The following LBP variants were observed in gnomAD, a reference collection of about 807,000 sequenced individuals.
The protein encoded by LBP is lipopolysaccharide binding protein, also known as lipopolysaccharide-binding protein.
LBP carries 53 observed loss-of-function variants against 56.6 expected under a neutral mutation model. The ratio of observed to expected loss-of-function variants is 0.94; its 90% CI spans 0.75 to 1.18. LBP has a LOEUF of 1.18. LBP is among the 50% of genes most tolerant of loss of function. The pLI is 0.00. For missense variants in LBP, 601 were observed against 598.3 expected (o/e 1.00, Z -0.05); for synonymous variants, 227 against 247.5 (o/e 0.92, Z 0.78).
At chr20:38,372,881 G>A (rs1159805734) in intron 12 of LBP, among the ~76,000 whole-genome samples, 191 bp from the exon 13 acceptor site, 4 of 152,134 alleles carry the variant, frequency 2.6e-5, no homozygotes, top group Admixed American at 1.3e-4. Context: ...AGACTGTCGG[G>A]TGTGTAACTT....
intron 1 of LBP, among the ~76,000 whole-genome samples, chr20:38,347,993 A>G (rs1046202975): frequency 6.6e-6 from 1 of 152,236 alleles, no homozygotes; most frequent in Non-Finnish European, 1.5e-5. Flanking sequence ...TCCAGGATAT[A>G]GTAAAATGGA....
At chr20:38,353,573 C>T (rs116660354) in intron 3 of LBP, among the ~76,000 whole-genome samples, 10 of 131,366 alleles carry the variant, frequency 7.6e-5, no homozygotes, top group East Asian at 7.4e-4. Flanking sequence ...GGAAGAGCTA[C>T]GGGATAAAGG....
intron 3 of LBP, among the ~76,000 whole-genome samples, chr20:38,353,588 G>A (rs1462971423): frequency 6.9e-6 from 1 of 145,828 alleles, no homozygotes; most frequent in Non-Finnish European, 1.5e-5. Flanking sequence ...TAAAGGCTTA[G>A]AAGTTAAATT....
chr20:38,370,855 T>C (rs2076898454), intron 11 of LBP, 50 bp downstream of exon 11: 2 of 1,431,422 alleles, frequency 1.4e-6, no homozygotes, highest in South Asian at 2.3e-5. Flanking sequence ...ACTCCATCTG[T>C]ATGCTGTAGC....
intron 5 of LBP, 146 bp from the exon 6 acceptor site, chr20:38,360,558 T>G: frequency 1.6e-6 from 1 of 620,560 alleles, no homozygotes; most frequent in Non-Finnish European, 2.9e-6. Flanking sequence ...ATTTCCTTGG[T>G]ACCTGGCTCA....
chr20:38,368,870 A>C, intron 9 of LBP, 125 bp from the exon 10 acceptor site: 1 of 969,358 alleles, frequency 1.0e-6, no homozygotes, highest in Non-Finnish European at 1.6e-6. Flanking sequence ...AAAAAGGCAC[A>C]GAGAATTTTG....
chr20:38,351,744 T>C lies in LBP; in HGVS notation c.368+805T>C, dbSNP rs192569045. Among the ~76,000 whole-genome samples, 76 of 152,200 alleles carry C rather than the reference T, an allele frequency of 5.0e-4. 1 individual carries two copies. Among genetic ancestry groups the C allele is most frequent in the Admixed American group, 4.5e-3 (69 of 15,282 alleles). The stretch of plus-strand genomic sequence containing the variant: ...TCAAGAAATCCCATTTCTGAGGCCA[T>C]GCACGTTGGCTCACCCCTGTAATCC... On this transcript the variant is annotated intron_variant, in intron 3 of 14. Transcript: ENST00000217407.
rs1397012722 is a variant in LBP, at chr20:38,371,193, G to T, written c.1218-87G>T. On this transcript the variant is annotated intron_variant, in intron 11 of 14. Coordinates refer to ENST00000217407, the MANE Select transcript of LBP (RefSeq NM_004139.5). ...TACCTTTGGCCCTGTGCCTTCTCAA[G>T]CCCATCCTTTCTCGCTTCTGGGGAC... The T allele has an allele frequency of 8.5e-6, 9 of 1,054,836 alleles. No homozygotes were observed. The East Asian group carries it at 1.9e-4, about 22-fold the overall frequency. 65.3% of individuals were successfully genotyped at this position (1,054,836 alleles called of 1,614,324 possible).
At chr20:38,368,275 G>C (rs1052560259) in intron 9 of LBP, among the ~76,000 whole-genome samples, 30 of 152,072 alleles carry the variant, frequency 2.0e-4, no homozygotes, top group African/African-American at 7.2e-4. Context: ...CTTTTCTGGA[G>C]GACAATTTGG....
chr20:38,352,038 TA>T (rs1326621621), intron 3 of LBP, among the ~76,000 whole-genome samples: 523 of 120,026 alleles, frequency 4.4e-3, no homozygotes, highest in African/African-American at 5.3e-3. Flanking sequence ...ACTCCATCTC[TA>T]AAAAAAAAAA....
At chr20:38,354,170 A>G (rs1327173275) in intron 3 of LBP, 114 bp from the exon 4 acceptor site, 2 of 792,914 alleles carry the variant, frequency 2.5e-6, no homozygotes, top group Non-Finnish European at 3.9e-6. Context: ...TTATTCTTAA[A>G]TCTCTGCTCA....
At position 38,376,715 on chromosome 20, in the gene LBP, T is replaced by C; in HGVS notation, c.*46T>C. On this transcript the variant is annotated 3_prime_UTR_variant, in exon 15 of 15. Coordinates refer to ENST00000217407, the MANE Select transcript of LBP (RefSeq NM_004139.5). ...GGAGGTCACAGCTGGATCTGCTTGT[T>C]GCATTTCCAGCTGTGCAGCACGTCT... 1 of 1,535,948 alleles carries C rather than the reference T, an allele frequency of 6.5e-7. No individual in the cohort carries two copies.
intron 6 of LBP, among the ~76,000 whole-genome samples, 162 bp from the exon 7 acceptor site, chr20:38,363,813 G>A (rs2076870409): frequency 6.6e-6 from 1 of 152,166 alleles, no homozygotes; most frequent in Non-Finnish European, 1.5e-5. Context: ...GGGAATCCAT[G>A]TAGTGTCTTT....
chr20:38,371,579 C>A (rs1027406755), intron 12 of LBP, among the ~76,000 whole-genome samples: 12 of 152,274 alleles, frequency 7.9e-5, no homozygotes, highest in Non-Finnish European at 1.6e-4. Context: ...CAATTGAAAT[C>A]ATCTTAAGCA....
In LBP at chr20:38,373,038, G is replaced by A. The variant is rs780055800; in HGVS notation, c.1261-34G>A. 4 of 1,597,714 alleles carry A rather than the reference G, an allele frequency of 2.5e-6. No homozygotes were observed. The East Asian group carries it at 8.9e-5, about 36-fold the overall frequency. On this transcript the variant is annotated intron_variant, in intron 12 of 14. Transcript: ENST00000217407. ...CACAGAACCACCATGTGGCCCTGTG[G>A]CGATGTAAATATATCTCTCCTGTTC...
At chr20:38,368,683 C>T (rs978609164) in intron 9 of LBP, among the ~76,000 whole-genome samples, 3 of 152,180 alleles carry the variant, frequency 2.0e-5, no homozygotes, top group African/African-American at 7.2e-5. Flanking sequence ...AAAAGAATAG[C>T]CAAGGGTGCT....
intron 8 of LBP, among the ~76,000 whole-genome samples, chr20:38,365,041 C>T (rs1437521944): frequency 6.6e-6 from 1 of 151,998 alleles, no homozygotes. Flanking sequence ...TTGAGACCAG[C>T]CTGGCCAACA....
At chr20:38,371,415 A>G in intron 12 of LBP, 93 bp downstream of exon 12, 1 of 965,250 alleles carries the variant, frequency 1.0e-6, no homozygotes, top group Non-Finnish European at 1.6e-6. Flanking sequence ...AGGAAATACA[A>G]AAGGAGAAGA....
In LBP at chr20:38,349,549, G is replaced by C. The variant is rs147682433; in HGVS notation, c.126G>C (p.Ala42=). 5 of 1,598,646 alleles carry C rather than the reference G, an allele frequency of 3.1e-6. No individual in the cohort carries two copies. The highest frequency in any genetic ancestry group is 4.3e-6 in the Non-Finnish European group (5 of 1,172,800). Residue 42 remains alanine (A), a splice_region_variant and synonymous_variant, in exon 2 of 15, where the codon GCG becomes GCC. Coordinates refer to ENST00000217407, the MANE Select transcript of LBP (RefSeq NM_004139.5). The part of the protein sequence containing the change: ...ARITDKGLQY[A]AQEGLLALQS... ...CTCCCAGCTATTTCCTTTCCACAGC[G>C]GCCCAGGAGGGGCTATTAGCTCTGC...
Sources: allele counts gnomAD v4.1 joint callset (sites outside exome capture counted in the v4.1 genomes callset), GRCh38; gene constraint gnomAD v4.1.1; transcripts MANE v1.5; gene names NCBI Gene and HGNC (gene_info 2026-07-23, HGNC 2026-07-21).